Variants in PTPRH observed in about 807,000 individuals in gnomAD.
PTPRH encodes the protein protein tyrosine phosphatase receptor type H, also known as receptor-type tyrosine-protein phosphatase H.
Under a neutral mutation model 130.2 loss-of-function variants are expected in PTPRH, and 113 were observed. That is an observed-to-expected ratio of 0.87 (90% CI 0.75 to 1.01). The LOEUF (loss-of-function observed/expected upper bound fraction) is 1.01, where lower values mean the gene tolerates loss of function less well. PTPRH is among the 50% of genes least tolerant of loss of function. The probability of loss-of-function intolerance (pLI) is 0.00; values close to 1 mark genes in which losing one functional copy is unlikely to be tolerated. For synonymous variants in PTPRH, 556 were observed against 577.9 expected, an observed-to-expected ratio of 0.96 and a Z score of 0.54; for missense variants, 1,430 against 1,425.0, an observed-to-expected ratio of 1.00 and a Z score of -0.06.
chr19:55,185,754 A>T (rs1166055894), intron 17 of PTPRH, 92 bp from the exon 18 acceptor site: 2 of 1,597,788 alleles, frequency 1.3e-6, no homozygotes, highest in Non-Finnish European at 1.7e-6. Context: ...GGCACACTGC[A>T]GCTCCTCAGA....
At position 55,204,038 on chromosome 19, in the gene PTPRH, T is replaced by G; in HGVS notation, c.630A>C (p.Pro210=). ...ETRNATTAHN[P]VRNLRVEAQT... Reference sequence around the variant, plus strand: ...GAGCCTCCACTCTCAGGTTCCTCACTGGGTTGTGAGCTGAGAAATTAGGAA... The same window carrying G: ...GAGCCTCCACTCTCAGGTTCCTCACGGGGTTGTGAGCTGAGAAATTAGGAA... Residue 210 remains proline, a synonymous_variant, in exon 5 of 20, where the codon CCA becomes CCC. Transcript: ENST00000376350. 1 of 1,613,352 alleles carries G rather than the reference T, an allele frequency of 6.2e-7. No homozygotes were observed. Among genetic ancestry groups the G allele is most frequent in the Non-Finnish European group, 8.5e-7 (1 of 1,179,488 alleles).
chr19:55,191,945 C>T, intron 10 of PTPRH: 1 of 671,708 alleles, frequency 1.5e-6, no homozygotes, highest in Non-Finnish European at 2.7e-6. Flanking sequence ...ACAGCAAGAC[C>T]AGCCCCTCTC....
chr19:55,188,836 C>G (rs2086443001), intron 12 of PTPRH, among the ~76,000 whole-genome samples: 1 of 152,212 alleles, frequency 6.6e-6, no homozygotes, highest in South Asian at 2.1e-4. Flanking sequence ...ACCTACCCAG[C>G]TGCTGCTTGT....
rs142364133 is a variant in PTPRH, at chr19:55,192,809, C to A, written c.2258-1068G>T. Among the ~76,000 whole-genome samples, 903 of 151,910 alleles carry A rather than the reference C, an allele frequency of 5.9e-3. 8 individuals carry two copies. The highest frequency in any genetic ancestry group is 0.02 in the African/African-American group (848 of 41,472). ...CTCGTGATCCACCTGCCTCAGCCTC[C>A]CAAAGTGCTGGGATTATAGGCATGA... is the stretch of plus-strand genomic sequence containing the variant. On this transcript the variant is annotated intron_variant, in intron 10 of 19. Transcript: ENST00000376350.
intron 10 of PTPRH, among the ~76,000 whole-genome samples, chr19:55,194,713 G>A (rs1264060636): frequency 6.6e-6 from 1 of 152,084 alleles, no homozygotes; most frequent in East Asian, 1.9e-4. Flanking sequence ...CGGGGTGGGG[G>A]GTAGTTAAAT....
chr19:55,192,022 C>T (rs1270681014), intron 10 of PTPRH: 1 of 576,708 alleles, frequency 1.7e-6, no homozygotes, highest in Admixed American at 2.2e-5. Context: ...TTATGATGAT[C>T]TACTTAATAA....
At chr19:55,203,609 C>T (rs558401914) in intron 5 of PTPRH, among the ~76,000 whole-genome samples, 173 bp downstream of exon 5, 42 of 151,928 alleles carry the variant, frequency 2.8e-4, no homozygotes, top group African/African-American at 9.4e-4. Context: ...GACAGGCTGA[C>T]CAGTTTCTTT....
intron 3 of PTPRH, 148 bp downstream of exon 3, chr19:55,206,541 G>A: frequency 1.2e-6 from 1 of 823,648 alleles, no homozygotes; most frequent in Non-Finnish European, 1.8e-6. Context: ...TTATTTTTAT[G>A]TGGCTGATAG....
intron 4 of PTPRH, among the ~76,000 whole-genome samples, chr19:55,204,307 G>T (rs2086973855): frequency 6.6e-6 from 1 of 152,076 alleles, no homozygotes; most frequent in Non-Finnish European, 1.5e-5. Context: ...TTTTCACCAT[G>T]CTGGCCAGGC....
At position 55,187,530 on chromosome 19, in the gene PTPRH, T is replaced by C; in HGVS notation, c.2549A>G (p.Tyr850Cys). The change falls in exon 14 of 20, where the codon TAC becomes TGC. Residue 850 changes from tyrosine to cysteine, a missense_variant. Transcript: ENST00000376350. ...SASENNAKNR[Y>C]RNVLPYDWSR... ...AGACTCACAGGGCAGCACATTTCTGTAGCGGTTCTTGGCGTTGTTCTCTGA... is the reference window on the plus strand; with the variant it reads ...AGACTCACAGGGCAGCACATTTCTGCAGCGGTTCTTGGCGTTGTTCTCTGA... The C allele has an allele frequency of 6.2e-7, 1 of 1,612,308 alleles. No individual in the cohort carries two copies. Among genetic ancestry groups the C allele is most frequent in the Non-Finnish European group, 8.5e-7 (1 of 1,178,948 alleles).
At chr19:55,187,074 A>G (rs746858748) in intron 14 of PTPRH, among the ~76,000 whole-genome samples, 37 of 150,456 alleles carry the variant, frequency 2.5e-4, no homozygotes, top group Middle Eastern at 3.4e-3. Flanking sequence ...GGCCGGGCGC[A>G]GTGGCTCACG....
At chr19:55,192,439 G>T (rs1373229060) in intron 10 of PTPRH, among the ~76,000 whole-genome samples, 2 of 151,932 alleles carry the variant, frequency 1.3e-5, no homozygotes, top group African/African-American at 2.4e-5. Context: ...ACAGTATGTA[G>T]TACATATTAC....
At position 55,205,441 on chromosome 19, in the gene PTPRH, T is replaced by G; in HGVS notation, c.504A>C (p.Thr168=). The G allele has an allele frequency of 6.2e-7, 1 of 1,614,214 alleles. No individual in the cohort carries two copies. The highest frequency in any genetic ancestry group is 8.5e-7 in the Non-Finnish European group (1 of 1,180,038). The change falls in exon 4 of 20, where the codon ACA becomes ACC. Residue 168 remains threonine (T), a synonymous_variant. Coordinates refer to ENST00000376350, the MANE Select transcript of PTPRH (RefSeq NM_002842.5). The part of the protein sequence containing the change: ...GDGGRAGTRS[T]AHTNITVDGL... ...CATCCACGGTGATGTTAGTGTGTGCTGTGCTTCGAGTCCCTGCTCTGCCAC... is the reference window on the plus strand; with the variant it reads ...CATCCACGGTGATGTTAGTGTGTGCGGTGCTTCGAGTCCCTGCTCTGCCAC...
chr19:55,206,519 G>A (rs2087061726), intron 3 of PTPRH, among the ~76,000 whole-genome samples, 170 bp downstream of exon 3: 1 of 151,702 alleles, frequency 6.6e-6, no homozygotes. Context: ...AGGCTGACCA[G>A]TTTCTTTTTA....
intron 4 of PTPRH, among the ~76,000 whole-genome samples, chr19:55,204,981 G>A (rs547432890): frequency 7.9e-5 from 12 of 152,112 alleles, no homozygotes; most frequent in African/African-American, 2.7e-4. Context: ...AATATGTGAC[G>A]CAGCTGGGGA....
intron 14 of PTPRH, among the ~76,000 whole-genome samples, chr19:55,186,843 A>G (rs2365727): frequency 0.43 from 64,624 of 151,638 alleles, 15,352 homozygotes; most frequent in African/African-American, 0.63. Context: ...TCAGGAATTT[A>G]AGACCAGCCT....
chr19:55,188,148 G>C lies in PTPRH; in HGVS notation c.2405C>G (p.Ala802Gly). The change falls in exon 13 of 20, where the codon GCT becomes GGT. Residue 802 changes from alanine (A) to glycine (G), a missense_variant. Ala to Gly is a moderately conservative substitution (Grantham distance 60). Coordinates refer to ENST00000376350, the MANE Select transcript of PTPRH (RefSeq NM_002842.5). ...CCTGACGTGGTCAGCGAAGTCTTCA[G>C]CTGGGATGTCCCCTGGGGAGCTACG... ...LVFSSPGDIP[A>G]EDFADHVRKN... 8.7e-6 allele frequency: 14 copies of C among 1,614,028 alleles called. No individual in the cohort carries two copies. Among genetic ancestry groups the C allele is most frequent in the African/African-American group, 1.3e-5 (1 of 75,034 alleles).
chr19:55,203,033 CAAA>C (rs75261116), intron 5 of PTPRH, among the ~76,000 whole-genome samples: 1 of 122,470 alleles, frequency 8.2e-6, no homozygotes, highest in African/African-American at 3.0e-5. Flanking sequence ...GACTCTGTCC[CAAA>C]AAAAAAAAAG....
intron 10 of PTPRH, among the ~76,000 whole-genome samples, chr19:55,195,375 G>A (rs889574095): frequency 1.3e-5 from 2 of 152,056 alleles, no homozygotes; most frequent in African/African-American, 4.8e-5. Flanking sequence ...GGTGGCACAT[G>A]CCTGTGATCC....
Sources: gnomAD v4.1 joint callset for allele counts (sites outside exome capture counted in the v4.1 genomes callset) on GRCh38, gnomAD v4.1.1 for gene constraint, MANE v1.5 for transcripts, NCBI Gene and HGNC (gene_info 2026-07-23, HGNC 2026-07-21) for gene names.